MRC1: variants seen among roughly 807,000 people sequenced by gnomAD.
The protein encoded by MRC1 is mannose receptor C-type 1.
In MRC1, 62 loss-of-function variants were observed where a neutral mutation model predicts 102.9. That is an observed-to-expected ratio of 0.60 (90% CI 0.49 to 0.74). The LOEUF is 0.74. Among genes scored for constraint, MRC1 ranks in the 30% least tolerant of loss-of-function variants. The pLI is 0.00. For missense variants in MRC1, 1,237 were observed against 862.8 expected (o/e 1.43, Z -5.43); for synonymous variants, 457 against 298.4 (o/e 1.53, Z -5.48).
chr10:17,901,862 G>C (rs1833834071), intron 25 of MRC1, 111 bp from the exon 26 acceptor site: 1 of 767,680 alleles, frequency 1.3e-6, no homozygotes, highest in Admixed American at 1.8e-5. Context: ...ACCATTGGAA[G>C]ATTTTTTAAA....
At chr10:17,871,912 G>C in intron 14 of MRC1, 70 bp from the exon 15 acceptor site, 1 of 747,250 alleles carries the variant, frequency 1.3e-6, no homozygotes, top group Non-Finnish European at 2.5e-6. Context: ...TTCGTTTTCT[G>C]TTTGGATGAA....
At chr10:17,830,821 C>G (rs1019977969) in intron 3 of MRC1, among the ~76,000 whole-genome samples, 12 of 151,182 alleles carry the variant, frequency 7.9e-5, no homozygotes, top group Admixed American at 3.9e-4. Flanking sequence ...ATTTATGTCA[C>G]TTGCCTCCAT....
chr10:17,823,675 A>T lies in MRC1; in HGVS notation c.463+200A>T, dbSNP rs535498709. Among the ~76,000 whole-genome samples the T allele has an allele frequency of 1.2e-4, 19 of 152,332 alleles. No homozygotes were observed. In the South Asian group the frequency reaches 3.7e-3, roughly 30 times the overall value. On this transcript the variant is annotated intron_variant, in intron 2 of 29. Transcript: ENST00000569591. ...AAATGTGATTAAAAAGTCCTGAATG[A>T]TACTTCAGCTATTTTTACTTAATGG...
chr10:17,877,759 A>T, intron 17 of MRC1, 141 bp from the exon 18 acceptor site: 1 of 730,332 alleles, frequency 1.4e-6, no homozygotes. Flanking sequence ...AGAACATAAT[A>T]TAGAATGTAC....
intron 1 of MRC1, among the ~76,000 whole-genome samples, chr10:17,812,704 T>C (rs782079519): frequency 0.12 from 18,674 of 151,550 alleles, 1,442 homozygotes; most frequent in East Asian, 0.22. Flanking sequence ...CCCGAGTAGC[T>C]GGGATTACAG....
intron 1 of MRC1, among the ~76,000 whole-genome samples, chr10:17,810,995 G>A (rs1402400239): frequency 1.3e-5 from 2 of 152,148 alleles, no homozygotes; most frequent in African/African-American, 4.8e-5. Context: ...GTTTCACCAT[G>A]TTGGCCAGGC....
At chr10:17,905,829 C>T (rs918038796) in intron 26 of MRC1, among the ~76,000 whole-genome samples, 2 of 152,108 alleles carry the variant, frequency 1.3e-5, no homozygotes, top group African/African-American at 4.8e-5. Context: ...TGGCAGATTA[C>T]TCATCCTCTG....
intron 11 of MRC1, among the ~76,000 whole-genome samples, chr10:17,866,261 C>A: frequency 7.3e-6 from 1 of 136,864 alleles, no homozygotes. Flanking sequence ...CAGAGAAAAC[C>A]AGAAAGGGGA....
At chr10:17,904,689 C>G (rs1349884679) in intron 26 of MRC1, among the ~76,000 whole-genome samples, 1 of 152,150 alleles carries the variant, frequency 6.6e-6, no homozygotes, top group Admixed American at 6.5e-5. Flanking sequence ...TTTGTCCAAG[C>G]AGTTACAAAC....
chr10:17,822,342 G>A (rs1389488092), intron 1 of MRC1, among the ~76,000 whole-genome samples: 3 of 152,160 alleles, frequency 2.0e-5, no homozygotes, highest in Admixed American at 1.3e-4. Flanking sequence ...TCCTATTCTA[G>A]TCTGGGCGAG....
At chr10:17,868,639 T>C (rs1420401432) in intron 12 of MRC1, among the ~76,000 whole-genome samples, 2 of 152,218 alleles carry the variant, frequency 1.3e-5, no homozygotes, top group Non-Finnish European at 2.9e-5. Flanking sequence ...TTATTCAATC[T>C]CTTTGAATGG....
intron 23 of MRC1, 104 bp from the exon 24 acceptor site, chr10:17,897,930 G>A: frequency 1.3e-6 from 1 of 769,940 alleles, no homozygotes; most frequent in South Asian, 1.4e-5. Flanking sequence ...TTGGAGTTAT[G>A]CTACTTTGCT....
rs568858110 is a variant in MRC1 at position 17,849,709 on chromosome 10, C to G, written c.1194C>G (p.Leu398=). Residue 398 remains leucine, a synonymous_variant, in exon 7 of 30, where the codon CTC becomes CTG. Coordinates refer to ENST00000569591, the MANE Select transcript of MRC1 (RefSeq NM_002438.4). ...LTTCRKEGGD[L]TSIHTIEELD... The stretch of plus-strand genomic sequence containing the variant: ...CCTGCAGGAAGGAAGGCGGTGACCT[C>G]ACAAGTATCCACACCATCGAGGAAT... 1.3e-6 allele frequency: 1 copy of G among 780,900 alleles called. No individual in the cohort carries two copies. The allele number at this position is 780,900 out of a possible 1,614,324, so 48.4% of individuals were successfully genotyped here.
At chr10:17,884,345 G>C (rs1259138406) in intron 21 of MRC1, among the ~76,000 whole-genome samples, 1 of 152,140 alleles carries the variant, frequency 6.6e-6, no homozygotes, top group Non-Finnish European at 1.5e-5. Context: ...TGATCTCAGG[G>C]ATTTCTCCCC....
Position 17,898,404 on chromosome 10 carries a change from C to A in MRC1, c.3483+138C>A, listed in dbSNP as rs1446858654. On this transcript the variant is annotated intron_variant, in intron 24 of 29. Transcript: ENST00000569591. ...GCAATGTGAATGATACTAACATCAACAAGATCCAATCTTTCAGGGACGTGA... is the reference window on the plus strand; with the variant it reads ...GCAATGTGAATGATACTAACATCAAAAAGATCCAATCTTTCAGGGACGTGA... 6.8e-6 allele frequency: 5 copies of A among 740,546 alleles called. No individual in the cohort carries two copies. The African/African-American group carries it at 6.9e-5, about 10-fold the overall frequency. 45.9% of individuals were successfully genotyped at this position (740,546 alleles called of 1,614,324 possible). A position where few individuals can be genotyped will look rare whatever the true frequency, so the allele number is the denominator to read the frequency against.
chr10:17,816,974 G>A lies in MRC1; in HGVS notation c.62-6100G>A, dbSNP rs1252610687. On this transcript the variant is annotated intron_variant, in intron 1 of 29. Transcript: ENST00000569591. The stretch of plus-strand genomic sequence containing the variant: ...TGCTTAAAAAAAATCCAGGCCAGGC[G>A]CGGTGGCTCATGCCTGTAATCCCAG... 3.3e-5 allele frequency among the ~76,000 whole-genome samples: 5 copies of A among 152,166 alleles called. 1 individual carries two copies. The South Asian group carries it at 8.3e-4, about 25-fold the overall frequency.
At position 17,859,566 on chromosome 10, in the gene MRC1, C is replaced by T. The variant is rs1031775400; in HGVS notation, c.1519-1821C>T. Among the ~76,000 whole-genome samples, 254 of 152,292 alleles carry T rather than the reference C, an allele frequency of 1.7e-3. 4 individuals are homozygous for T. The highest frequency in any genetic ancestry group is 2.6e-3 in the Non-Finnish European group (175 of 68,024). On this transcript the variant is annotated intron_variant, in intron 9 of 29. Transcript: ENST00000569591. Reference sequence around the variant, plus strand: ...CTCCTGACCTCAAGTGACCCACCTGCTTCGTCCTTCCAAAGTGTTGGGGTT... The same window carrying T: ...CTCCTGACCTCAAGTGACCCACCTGTTTCGTCCTTCCAAAGTGTTGGGGTT...
intron 1 of MRC1, among the ~76,000 whole-genome samples, chr10:17,812,293 T>C (rs1838235870): frequency 6.6e-6 from 1 of 152,134 alleles, no homozygotes; most frequent in East Asian, 1.9e-4. Flanking sequence ...TGGGTTATAA[T>C]CATGGTAGAT....
intron 21 of MRC1, among the ~76,000 whole-genome samples, chr10:17,884,908 G>C (rs911528844): frequency 2.0e-5 from 3 of 152,138 alleles, no homozygotes; most frequent in Non-Finnish European, 4.4e-5. Context: ...ACAGAATCGG[G>C]ACAGCTGCTA....
Sources: gnomAD v4.1 joint callset for allele counts (sites outside exome capture counted in the v4.1 genomes callset) on GRCh38, gnomAD v4.1.1 for gene constraint, MANE v1.5 for transcripts, NCBI Gene and HGNC (gene_info 2026-07-23, HGNC 2026-07-21) for gene names.